The following BMPR1A variants were observed in gnomAD, a reference collection of about 807,000 sequenced individuals.
The protein encoded by BMPR1A is bone morphogenetic protein receptor type 1A, also known as bone morphogenetic protein receptor type-1A.
Under a neutral mutation model 66.0 loss-of-function variants are expected in BMPR1A, and 7 were observed. The ratio of observed to expected loss-of-function variants is 0.11; its 90% CI spans 0.06 to 0.20. The LOEUF (loss-of-function observed/expected upper bound fraction) is 0.20. Ranked by LOEUF, BMPR1A falls within the 10% of genes least tolerant of loss-of-function variation. BMPR1A has a pLI of 1.00. For missense variants in BMPR1A, 408 were observed against 669.1 expected (o/e 0.61, Z 4.31); for synonymous variants, 200 against 229.7 (o/e 0.87, Z 1.17).
At chr10:86,855,591 A>G (rs899869732) in intron 2 of BMPR1A, 5 of 577,636 alleles carry the variant, frequency 8.7e-6, no homozygotes, top group Admixed American at 2.6e-5. Flanking sequence ...AAAAAGTACT[A>G]TTTGAAGAAC....
At chr10:86,862,018 G>A (rs1021014315) in intron 2 of BMPR1A, among the ~76,000 whole-genome samples, 1 of 152,100 alleles carries the variant, frequency 6.6e-6, no homozygotes, top group Non-Finnish European at 1.5e-5. Context: ...ATTTAGTATC[G>A]ACTCTGTGCC....
chr10:86,783,106 C>A (rs1841461406), intron 1 of BMPR1A, among the ~76,000 whole-genome samples: 2 of 152,190 alleles, frequency 1.3e-5, no homozygotes, highest in South Asian at 4.1e-4. Context: ...GTTTTTCCAG[C>A]ACTATTTGTT....
chr10:86,897,728 T>C (rs1255252859), intron 5 of BMPR1A, among the ~76,000 whole-genome samples: 1 of 152,068 alleles, frequency 6.6e-6, no homozygotes, highest in Non-Finnish European at 1.5e-5. Context: ...CACCTCAGCC[T>C]CCTGAGTAGC....
chr10:86,927,309 T>A lies in BMPR1A; in HGVS notation c.*3590T>A, dbSNP rs1843759417. The A allele has an allele frequency of 1.6e-5, 3 of 192,698 alleles. No homozygotes were observed. Among genetic ancestry groups the A allele is most frequent in the Admixed American group, 1.2e-4 (2 of 16,388 alleles). 11.9% of individuals were successfully genotyped at this position (192,698 alleles called of 1,614,324 possible). A position where few individuals can be genotyped will look rare whatever the true frequency, so the allele number is the denominator to read the frequency against. On this transcript the variant is annotated 3_prime_UTR_variant, in exon 13 of 13. Coordinates refer to ENST00000372037, the MANE Select transcript of BMPR1A (RefSeq NM_004329.3). Reference sequence around the variant, plus strand: ...GATGTTGTTTTGAAATGTTTCTAAATATCTAAAATCATTTCAACAGCAGAA... The same window carrying A: ...GATGTTGTTTTGAAATGTTTCTAAAAATCTAAAATCATTTCAACAGCAGAA...
rs529472860 is a variant in BMPR1A, at chr10:86,766,272, G to A, written c.-268+9353G>A. ...CTCCCAAAGTGCTGAGATTACAGGT[G>A]TGAGGTGTTGTGCGCAGCCTTAATC... On this transcript the variant is annotated intron_variant, in intron 1 of 12. Coordinates refer to ENST00000372037, the MANE Select transcript of BMPR1A (RefSeq NM_004329.3). Among the ~76,000 whole-genome samples the A allele has an allele frequency of 9.9e-5, 15 of 152,284 alleles. 2 individuals are homozygous for A. The South Asian group carries it at 2.7e-3, about 27-fold the overall frequency.
chr10:86,924,693 A>G lies in BMPR1A; in HGVS notation c.*974A>G. 4.3e-6 allele frequency: 1 copy of G among 233,090 alleles called. No homozygotes were observed. The highest frequency in any genetic ancestry group is 8.5e-6 in the Non-Finnish European group (1 of 117,954). 14.4% of individuals were successfully genotyped at this position (233,090 alleles called of 1,614,324 possible). A position where few individuals can be genotyped will look rare whatever the true frequency, so the allele number is the denominator to read the frequency against. On this transcript the variant is annotated 3_prime_UTR_variant, in exon 13 of 13. Transcript: ENST00000372037. ...TTCTTTATTCTCAGTAACTTTTAAA[A>G]GGGAAGTTATTTATATTTTGTGTAT...
chr10:86,919,536 A>T, intron 10 of BMPR1A, 67 bp downstream of exon 10: 1 of 1,574,380 alleles, frequency 6.4e-7, no homozygotes, highest in Non-Finnish European at 8.7e-7. Flanking sequence ...CCCTATTTGT[A>T]TTCAAGATAA....
At chr10:86,930,907 A>G (rs1176668278), downstream of BMPR1A, 1 of 152,024 alleles carries the variant, frequency 6.6e-6, no homozygotes. Flanking sequence ...TCACATTCTA[A>G]ACATTATGCA....
chr10:86,914,802 T>A lies in BMPR1A; in HGVS notation c.676-2332T>A, dbSNP rs1843540484. ...CTATTTTGAAAAATAGTTTGACAAT[T>A]GCCTGGAAAGTTAAGGGCATACTTT... On this transcript the variant is annotated intron_variant, in intron 8 of 12. Coordinates refer to ENST00000372037, the MANE Select transcript of BMPR1A (RefSeq NM_004329.3). Among the ~76,000 whole-genome samples, 6 of 152,352 alleles carry A rather than the reference T, an allele frequency of 3.9e-5. 1 individual carries two copies. In the South Asian group the frequency reaches 1.2e-3, roughly 32 times the overall value.
At chr10:86,763,448 C>T (rs371834959) in intron 1 of BMPR1A, among the ~76,000 whole-genome samples, 1 of 152,068 alleles carries the variant, frequency 6.6e-6, no homozygotes, top group East Asian at 1.9e-4. Flanking sequence ...ACATGGTGAA[C>T]TTTAAGATAA....
At chr10:86,921,932 G>A (rs1027200077) in intron 11 of BMPR1A, among the ~76,000 whole-genome samples, 1 of 152,116 alleles carries the variant, frequency 6.6e-6, no homozygotes, top group Admixed American at 6.5e-5. Context: ...TATACTCCTT[G>A]AGTTATTTTT....
chr10:86,762,475 C>T (rs1841082741), intron 1 of BMPR1A, among the ~76,000 whole-genome samples: 1 of 151,982 alleles, frequency 6.6e-6, no homozygotes, highest in South Asian at 2.1e-4. Context: ...TATCCTGGCT[C>T]AGCTTCCCGA....
At chr10:86,781,486 A>C (rs1841436262) in intron 1 of BMPR1A, among the ~76,000 whole-genome samples, 1 of 152,222 alleles carries the variant, frequency 6.6e-6, no homozygotes, top group African/African-American at 2.4e-5. Flanking sequence ...CTTTTTGCTC[A>C]GGGTTGCTTT....
chr10:86,794,107 C>T (rs2132810722), intron 1 of BMPR1A, among the ~76,000 whole-genome samples: 1 of 152,336 alleles, frequency 6.6e-6, no homozygotes, highest in Middle Eastern at 3.4e-3. Context: ...CACACATCTG[C>T]AAAGTCCCTT....
chr10:86,789,698 G>A (rs1370552496), intron 1 of BMPR1A, among the ~76,000 whole-genome samples: 3 of 146,956 alleles, frequency 2.0e-5, no homozygotes, highest in Non-Finnish European at 4.5e-5. Context: ...GGGTGACAGA[G>A]TGAAAACTCT....
At chr10:86,790,173 AAAAAAAAAAAAAAAAAT>A (rs1229610990) in intron 1 of BMPR1A, among the ~76,000 whole-genome samples, 658 of 37,864 alleles carry the variant, frequency 0.017, 38 homozygotes, top group Non-Finnish European at 0.025. Flanking sequence ...AAAAAAAAAA[AAAAAAAAAAAAAAAAAT>A]ATATATATAT....
chr10:86,838,683 C>T (rs1842386103), intron 1 of BMPR1A, among the ~76,000 whole-genome samples, 182 bp from the exon 2 acceptor site: 1 of 150,412 alleles, frequency 6.6e-6, no homozygotes, highest in South Asian at 2.1e-4. Context: ...AAATGTAAAG[C>T]TTGGGCAGAG....
At chr10:86,909,026 G>A (rs1843438222) in intron 7 of BMPR1A, among the ~76,000 whole-genome samples, 2 of 152,160 alleles carry the variant, frequency 1.3e-5, no homozygotes, top group Admixed American at 1.3e-4. Flanking sequence ...CTGGGGCAGG[G>A]GGAAGAGGGT....
intron 1 of BMPR1A, among the ~76,000 whole-genome samples, chr10:86,765,283 C>T (rs1407073735): frequency 6.6e-6 from 1 of 151,756 alleles, no homozygotes; most frequent in Non-Finnish European, 1.5e-5. Context: ...GTCAGGAACT[C>T]GAGACCAGCC....
Sources: gnomAD v4.1 joint callset for allele counts (sites outside exome capture counted in the v4.1 genomes callset) on GRCh38, gnomAD v4.1.1 for gene constraint, MANE v1.5 for transcripts, NCBI Gene and HGNC (gene_info 2026-07-23, HGNC 2026-07-21) for gene names.